The following UBE2L3 variants were observed in gnomAD, a reference collection of about 807,000 sequenced individuals.
UBE2L3 encodes ubiquitin conjugating enzyme E2 L3, also known as ubiquitin-conjugating enzyme E2 L3.
A neutral mutation model predicts 17.8 loss-of-function variants in UBE2L3; 1 was observed. That is an observed-to-expected ratio of 0.06 (90% confidence interval 0.02 to 0.27). The LOEUF is 0.27. UBE2L3 is among the 10% of genes least tolerant of loss of function. The probability of loss-of-function intolerance (pLI) is 1.00; values close to 1 mark genes in which losing one functional copy is unlikely to be tolerated. For missense variants in UBE2L3, 40 were observed against 192.6 expected, an observed-to-expected ratio of 0.21 and a Z score of 4.69; for synonymous variants, 44 against 68.5, an observed-to-expected ratio of 0.64 and a Z score of 1.76.
At chr22:21,561,495 T>A (rs1407007495) in intron 1 of UBE2L3, among the ~76,000 whole-genome samples, 1 of 152,252 alleles carries the variant, frequency 6.6e-6, no homozygotes, top group Non-Finnish European at 1.5e-5. Flanking sequence ...AGTGGGAGGA[T>A]AACTTGAGTA....
upstream of UBE2L3, among the ~76,000 whole-genome samples, chr22:21,566,981 G>A (rs1296835956): frequency 6.6e-6 from 1 of 152,088 alleles, no homozygotes; most frequent in African/African-American, 2.4e-5. Flanking sequence ...TAATGCTAAC[G>A]TATCCCAGAG....
chr22:21,588,218 T>TG (rs1306416795), intron 1 of UBE2L3, among the ~76,000 whole-genome samples: 1 of 152,186 alleles, frequency 6.6e-6, no homozygotes, highest in African/African-American at 2.4e-5. Context: ...GGGCTGCTCT[T>TG]GCGGTTTTTA....
chr22:21,600,401 A>AGTATTTGTT (rs1322261372), intron 2 of UBE2L3, among the ~76,000 whole-genome samples: 1 of 151,886 alleles, frequency 6.6e-6, no homozygotes, highest in Non-Finnish European at 1.5e-5. Flanking sequence ...TTAGTGTTGA[A>AGTATTTGTT]GTATTTGTTG....
At chr22:21,594,187 C>T (rs765799888) in intron 2 of UBE2L3, among the ~76,000 whole-genome samples, 2 of 152,228 alleles carry the variant, frequency 1.3e-5, no homozygotes, top group African/African-American at 2.4e-5. Flanking sequence ...TGCCCTGTGC[C>T]TGCCGCTGTC....
At chr22:21,619,907 G>A (rs996751210) in intron 3 of UBE2L3, among the ~76,000 whole-genome samples, 21 of 152,170 alleles carry the variant, frequency 1.4e-4, no homozygotes, top group Non-Finnish European at 1.5e-5. Context: ...GCCCAGGCTG[G>A]TCTTGAGCTC....
chr22:21,591,135 T>A (rs1928243334), intron 1 of UBE2L3, among the ~76,000 whole-genome samples: 2 of 152,148 alleles, frequency 1.3e-5, no homozygotes, highest in Non-Finnish European at 2.9e-5. Flanking sequence ...GTTCCGTACC[T>A]CCTTATGCAG....
At chr22:21,556,879 C>T (rs1926249278) in intron 1 of UBE2L3, among the ~76,000 whole-genome samples, 1 of 152,244 alleles carries the variant, frequency 6.6e-6, no homozygotes, top group Non-Finnish European at 1.5e-5. Context: ...TATGGTGAAA[C>T]CCTGTCTCTA....
chr22:21,567,869 C>A (rs548154223), intron 1 of UBE2L3, 98 bp downstream of exon 1: 2 of 1,546,546 alleles, frequency 1.3e-6, no homozygotes, highest in East Asian at 4.9e-5. Context: ...TGCCGTCTGG[C>A]TTCCTGCCCT....
intron 1 of UBE2L3, among the ~76,000 whole-genome samples, chr22:21,586,024 CT>C (rs1265703245): frequency 1.3e-5 from 2 of 152,028 alleles, no homozygotes; most frequent in Non-Finnish European, 2.9e-5. Flanking sequence ...CAGCCTCAAC[CT>C]TTTGGACTCA....
At chr22:21,596,506 G>A (rs1283358458) in intron 2 of UBE2L3, among the ~76,000 whole-genome samples, 1 of 152,166 alleles carries the variant, frequency 6.6e-6, no homozygotes, top group East Asian at 1.9e-4. Flanking sequence ...GAGTAGCTGG[G>A]ATTGCAGGTG....
At chr22:21,562,670 C>CTTTTTTT (rs131653) in intron 1 of UBE2L3, among the ~76,000 whole-genome samples, 3 of 105,242 alleles carry the variant, frequency 2.9e-5, no homozygotes, top group Non-Finnish European at 3.8e-5. Context: ...CACGCCTGGG[C>CTTTTTTT]TTTTTTTTTT....
At chr22:21,575,631 C>CCT (rs1927236927) in intron 1 of UBE2L3, among the ~76,000 whole-genome samples, 2 of 73,394 alleles carry the variant, frequency 2.7e-5, no homozygotes, top group Non-Finnish European at 4.8e-5. Flanking sequence ...AGTTGAATAG[C>CCT]TTTTTTTTTT....
intron 2 of UBE2L3, among the ~76,000 whole-genome samples, chr22:21,601,547 T>G (rs1175720467): frequency 4.0e-5 from 6 of 151,784 alleles, no homozygotes; most frequent in Admixed American, 3.3e-4. Flanking sequence ...ACTCCTGACT[T>G]CAAGTGATCC....
At chr22:21,602,476 C>T (rs1331331777) in intron 2 of UBE2L3, among the ~76,000 whole-genome samples, 1 of 152,140 alleles carries the variant, frequency 6.6e-6, no homozygotes, top group Non-Finnish European at 1.5e-5. Flanking sequence ...GAAACGGTGA[C>T]TTCTGTGGGA....
At chr22:21,591,069 G>A (rs1928239416) in intron 1 of UBE2L3, among the ~76,000 whole-genome samples, 2 of 152,166 alleles carry the variant, frequency 1.3e-5, no homozygotes, top group African/African-American at 4.8e-5. Flanking sequence ...CATTTCTTAT[G>A]AGTCTTGTGA....
intron 1 of UBE2L3, among the ~76,000 whole-genome samples, chr22:21,584,122 G>C (rs1347396918): frequency 6.6e-6 from 1 of 151,842 alleles, no homozygotes; most frequent in Non-Finnish European, 1.5e-5. Flanking sequence ...TGATCCGCCC[G>C]CCTTGGCCTC....
intron 1 of UBE2L3, among the ~76,000 whole-genome samples, chr22:21,580,246 T>C (rs1382396348): frequency 1.3e-5 from 2 of 152,108 alleles, no homozygotes; most frequent in African/African-American, 4.8e-5. Flanking sequence ...TCTATACAAG[T>C]TCTTTGACTT....
At chr22:21,603,529 TAAAAAAAA>T (rs780658850) in intron 2 of UBE2L3, among the ~76,000 whole-genome samples, 53 of 79,978 alleles carry the variant, frequency 6.6e-4, no homozygotes, top group African/African-American at 2.6e-3. Flanking sequence ...GACTCTGTCT[TAAAAAAAA>T]AAAAAAAAAA....
chr22:21,569,444 A>G (rs922467479), intron 1 of UBE2L3, among the ~76,000 whole-genome samples: 1 of 151,448 alleles, frequency 6.6e-6, no homozygotes. Flanking sequence ...CTTGCTTTCT[A>G]ATGTTACTGA....
Sources: gnomAD v4.1 joint callset for allele counts (sites outside exome capture counted in the v4.1 genomes callset) on GRCh38, gnomAD v4.1.1 for gene constraint, MANE v1.5 for transcripts, NCBI Gene and HGNC (gene_info 2026-07-23, HGNC 2026-07-21) for gene names.